The following ADAMTS16 variants were observed in gnomAD, a reference collection of about 807,000 sequenced individuals.
ADAMTS16 encodes ADAM metallopeptidase with thrombospondin type 1 motif 16, also known as A disintegrin and metalloproteinase with thrombospondin motifs 16.
In ADAMTS16, 94 loss-of-function variants were observed where a neutral mutation model predicts 145.8. That is an observed-to-expected ratio of 0.64 (90% CI 0.55 to 0.77). ADAMTS16 has a LOEUF of 0.77. Ranked by LOEUF, ADAMTS16 falls within the 30% of genes least tolerant of loss-of-function variation. The pLI is 0.00. For missense variants in ADAMTS16, 1,585 were observed against 1,591.5 expected, an observed-to-expected ratio of 1.00 and a Z score of 0.07; for synonymous variants, 659 against 604.3, an observed-to-expected ratio of 1.09 and a Z score of -1.33.
At chr5:5,215,744 A>ATG (rs1335750533) in intron 10 of ADAMTS16, among the ~76,000 whole-genome samples, 1 of 145,848 alleles carries the variant, frequency 6.9e-6, no homozygotes, top group Non-Finnish European at 1.5e-5. Flanking sequence ...ATATATATAT[A>ATG]TGTGGTGTAT....
Position 5,186,087 on chromosome 5 carries a change from T to C in ADAMTS16, c.799T>C (p.Leu267=). 8 of 1,614,040 alleles carry C rather than the reference T, an allele frequency of 5.0e-6. No individual in the cohort carries two copies. Among genetic ancestry groups the C allele is most frequent in the Non-Finnish European group, 6.8e-6 (8 of 1,180,014 alleles). Residue 267 remains leucine, a synonymous_variant, in exon 5 of 23, where the codon TTG becomes CTG. Coordinates refer to ENST00000274181, the MANE Select transcript of ADAMTS16 (RefSeq NM_139056.4). ...GCCTCCCAAGGAAGACCTCTTCATC[T>C]TGCCAGATGAGTATAAGTCTTGCTT... ...PQPPKEDLFI[L]PDEYKSCLRH...
At chr5:5,274,212 A>G (rs1738595877) in intron 18 of ADAMTS16, among the ~76,000 whole-genome samples, 1 of 152,124 alleles carries the variant, frequency 6.6e-6, no homozygotes, top group South Asian at 2.1e-4. Flanking sequence ...ACACATCCCT[A>G]TCACCCAAGT....
chr5:5,273,605 C>T (rs1738567613), intron 18 of ADAMTS16, among the ~76,000 whole-genome samples: 1 of 152,212 alleles, frequency 6.6e-6, no homozygotes, highest in Non-Finnish European at 1.5e-5. Context: ...GGTAGGAATG[C>T]CGTGGCTTGA....
intron 3 of ADAMTS16, among the ~76,000 whole-genome samples, chr5:5,177,193 G>A (rs1192666341): frequency 2.6e-5 from 4 of 152,234 alleles, no homozygotes; most frequent in African/African-American, 9.6e-5. Flanking sequence ...TTATGATGAT[G>A]GGAGTAACTC....
intron 17 of ADAMTS16, among the ~76,000 whole-genome samples, chr5:5,253,786 C>T (rs1317078556): frequency 6.6e-6 from 1 of 152,192 alleles, no homozygotes; most frequent in Non-Finnish European, 1.5e-5. Context: ...CCCTGGCCTC[C>T]CTGCAGCCTT....
chr5:5,238,637 TACAA>T (rs1737185746), intron 14 of ADAMTS16, among the ~76,000 whole-genome samples: 1 of 152,204 alleles, frequency 6.6e-6, no homozygotes, highest in Non-Finnish European at 1.5e-5. Flanking sequence ...GAAAGTGTAA[TACAA>T]ACAAACATCA....
chr5:5,265,130 G>A (rs1185678497), intron 18 of ADAMTS16, among the ~76,000 whole-genome samples: 2 of 152,202 alleles, frequency 1.3e-5, no homozygotes, highest in African/African-American at 2.4e-5. Context: ...ATGTAGCATG[G>A]CACAGTTGTC....
intron 3 of ADAMTS16, among the ~76,000 whole-genome samples, chr5:5,167,387 C>T (rs942895873): frequency 1.3e-5 from 2 of 152,144 alleles, no homozygotes; most frequent in Admixed American, 6.5e-5. Flanking sequence ...TATCTTATGT[C>T]CCAGGAATAT....
In ADAMTS16 at chr5:5,232,511, C is replaced by T; in HGVS notation, c.1845C>T (p.Asn615=). ...CTCATAGGAGTCGCCTCTGCACCAA[C>T]CCCAAGTAAGTATGCCTTGACCTCC... ...GVSHRSRLCT[N]PKPSHGGKFC... The change falls in exon 12 of 23, where the codon AAC becomes AAT. Residue 615 remains asparagine (N), a synonymous_variant. Transcript: ENST00000274181. 1 of 1,613,180 alleles carries T rather than the reference C, an allele frequency of 6.2e-7. No homozygotes were observed. Among genetic ancestry groups the T allele is most frequent in the South Asian group, 1.1e-5 (1 of 91,016 alleles).
chr5:5,144,239 C>T (rs1157036082), intron 2 of ADAMTS16, among the ~76,000 whole-genome samples: 1 of 152,134 alleles, frequency 6.6e-6, no homozygotes, highest in Non-Finnish European at 1.5e-5. Flanking sequence ...TACTATTTGC[C>T]TTCTGCATTT....
intron 9 of ADAMTS16, among the ~76,000 whole-genome samples, chr5:5,204,378 G>A (rs1490224628): frequency 2.0e-5 from 3 of 152,168 alleles, no homozygotes; most frequent in Non-Finnish European, 2.9e-5. Flanking sequence ...AGTGCCTACA[G>A]CTCAATGAAT....
At chr5:5,166,879 G>T (rs561553270) in intron 3 of ADAMTS16, among the ~76,000 whole-genome samples, 19 of 152,266 alleles carry the variant, frequency 1.2e-4, no homozygotes, top group Non-Finnish European at 2.2e-4. Flanking sequence ...GGAACTGCAG[G>T]TCCTTACAGC....
At chr5:5,308,843 A>C (rs1307729273) in intron 21 of ADAMTS16, among the ~76,000 whole-genome samples, 1 of 151,718 alleles carries the variant, frequency 6.6e-6, no homozygotes, top group Non-Finnish European at 1.5e-5. Flanking sequence ...CCAGCTACTC[A>C]GGAGGCTGAA....
intron 16 of ADAMTS16, among the ~76,000 whole-genome samples, chr5:5,241,350 T>C (rs997882133): frequency 6.6e-6 from 1 of 152,052 alleles, no homozygotes; most frequent in African/African-American, 2.4e-5. Flanking sequence ...AAATGTAGAG[T>C]CCAAACCCAT....
At chr5:5,187,164 G>A (rs147671422) in intron 5 of ADAMTS16, among the ~76,000 whole-genome samples, 17 of 152,264 alleles carry the variant, frequency 1.1e-4, no homozygotes, top group Admixed American at 6.5e-4. Flanking sequence ...CAATATTTCC[G>A]CAGCGCAGTG....
chr5:5,157,654 C>T (rs555491818), intron 3 of ADAMTS16, among the ~76,000 whole-genome samples: 170 of 152,232 alleles, frequency 1.1e-3, no homozygotes, highest in Middle Eastern at 6.8e-3. Context: ...CTTTTAGTAT[C>T]CAAAATCCGT....
intron 18 of ADAMTS16, among the ~76,000 whole-genome samples, chr5:5,271,663 C>T (rs1412268418): frequency 6.6e-6 from 1 of 152,224 alleles, no homozygotes; most frequent in African/African-American, 2.4e-5. Context: ...ACTAATCACA[C>T]ACCTGCCAGG....
chr5:5,157,766 T>G (rs559450601), intron 3 of ADAMTS16, among the ~76,000 whole-genome samples: 1 of 152,348 alleles, frequency 6.6e-6, no homozygotes, highest in South Asian at 2.1e-4. Flanking sequence ...CAAGAGCTTT[T>G]CCTTCAATGT....
intron 18 of ADAMTS16, among the ~76,000 whole-genome samples, chr5:5,289,400 T>C (rs1739218438): frequency 6.6e-6 from 1 of 152,250 alleles, no homozygotes; most frequent in Non-Finnish European, 1.5e-5. Context: ...TTGTTAGAAC[T>C]TCAGGCTTTA....
Sources: allele counts gnomAD v4.1 joint callset (sites outside exome capture counted in the v4.1 genomes callset), GRCh38; gene constraint gnomAD v4.1.1; transcripts MANE v1.5; gene names NCBI Gene and HGNC (gene_info 2026-07-23, HGNC 2026-07-21).